The following ADAMTS2 variants were observed in gnomAD, a reference collection of about 807,000 sequenced individuals.
ADAMTS2 encodes A disintegrin and metalloproteinase with thrombospondin motifs 2.
ADAMTS2 carries 50 observed loss-of-function variants against 123.0 expected under a neutral mutation model. The ratio of observed to expected loss-of-function variants is 0.41; its 90% CI spans 0.32 to 0.51. The LOEUF is 0.51. Ranked by LOEUF, ADAMTS2 falls within the 20% of genes least tolerant of loss-of-function variation. The pLI is 0.35. For synonymous variants in ADAMTS2, 678 were observed against 695.4 expected (o/e 0.98, Z 0.39); for missense variants, 1,494 against 1,705.2 (o/e 0.88, Z 2.18).
chr5:179,169,228 C>T (rs1025766650), intron 5 of ADAMTS2, among the ~76,000 whole-genome samples: 1 of 152,202 alleles, frequency 6.6e-6, no homozygotes, highest in Admixed American at 6.5e-5. Flanking sequence ...CCTGAGGGAG[C>T]CTGTTCACCC....
chr5:179,337,197 T>C (rs1165671643), intron 2 of ADAMTS2, among the ~76,000 whole-genome samples: 2 of 152,012 alleles, frequency 1.3e-5, no homozygotes, highest in Admixed American at 6.6e-5. Flanking sequence ...CAGTAGGGGA[T>C]GGGGGTGTCT....
chr5:179,250,587 T>C (rs1230277431), intron 3 of ADAMTS2, among the ~76,000 whole-genome samples: 2 of 152,212 alleles, frequency 1.3e-5, no homozygotes, highest in Non-Finnish European at 2.9e-5. Flanking sequence ...GATCTACTCC[T>C]TACCTCTGTT....
Position 179,154,810 on chromosome 5 carries a change from T to A in ADAMTS2, c.1238+4A>T, listed in dbSNP as rs764427408. 1 of 1,607,014 alleles carries A rather than the reference T, an allele frequency of 6.2e-7. No homozygotes were observed. ...TGTGCCCCACCCTTCCCCAGGCCAC[T>A]TACACGTGGCCAGTCTCATGGGCCA... On this transcript the variant is annotated splice_donor_region_variant and intron_variant, in intron 7 of 21. Coordinates refer to ENST00000251582, the MANE Select transcript of ADAMTS2 (RefSeq NM_014244.5).
chr5:179,246,204 A>G (rs971098680), intron 3 of ADAMTS2, among the ~76,000 whole-genome samples: 11 of 152,122 alleles, frequency 7.2e-5, no homozygotes, highest in African/African-American at 2.4e-4. Context: ...ACCAACCTAC[A>G]CATCCAAGGA....
chr5:179,133,813 G>C (rs1763006795), intron 13 of ADAMTS2, among the ~76,000 whole-genome samples: 2 of 151,444 alleles, frequency 1.3e-5, no homozygotes, highest in Non-Finnish European at 2.9e-5. Flanking sequence ...CCGCCTCCCA[G>C]GTTCAAGTGA....
intron 5 of ADAMTS2, among the ~76,000 whole-genome samples, chr5:179,164,311 C>T (rs1410095428): frequency 6.6e-6 from 1 of 152,178 alleles, no homozygotes; most frequent in African/African-American, 2.4e-5. Flanking sequence ...GCCCAGAGGC[C>T]AGGGCAAGGT....
chr5:179,139,848 G>A, intron 11 of ADAMTS2, 42 bp downstream of exon 11: 1 of 1,609,660 alleles, frequency 6.2e-7, no homozygotes, highest in South Asian at 1.1e-5. Flanking sequence ...TGGACCCTCA[G>A]CTGCCACTCA....
chr5:179,259,969 T>TC (rs1766173531), intron 3 of ADAMTS2, among the ~76,000 whole-genome samples: 1 of 152,102 alleles, frequency 6.6e-6, no homozygotes, highest in African/African-American at 2.4e-5. Flanking sequence ...AAACGCACAG[T>TC]CCCTTGTTCA....
intron 20 of ADAMTS2, 96 bp downstream of exon 20, chr5:179,122,548 C>A: frequency 1.3e-6 from 2 of 1,497,670 alleles, no homozygotes; most frequent in Non-Finnish European, 1.8e-6. Context: ...CAGCTACTCT[C>A]CGGGAAGAGC....
intron 3 of ADAMTS2, among the ~76,000 whole-genome samples, chr5:179,259,088 C>G (rs2113484107): frequency 6.6e-6 from 1 of 152,242 alleles, no homozygotes; most frequent in Admixed American, 6.5e-5. Context: ...ATGGCACAGC[C>G]CCTCCTCCAC....
chr5:179,132,384 G>A lies in ADAMTS2; in HGVS notation c.2210-74C>T. 3 of 1,434,274 alleles carry A rather than the reference G, an allele frequency of 2.1e-6. No individual in the cohort carries two copies. Among genetic ancestry groups the A allele is most frequent in the Non-Finnish European group, 2.9e-6 (3 of 1,026,326 alleles). 88.8% of individuals were successfully genotyped at this position (1,434,274 alleles called of 1,614,324 possible). A position where few individuals can be genotyped will look rare whatever the true frequency, so the allele number is the denominator to read the frequency against. On this transcript the variant is annotated intron_variant, in intron 14 of 21. Coordinates refer to ENST00000251582, the MANE Select transcript of ADAMTS2 (RefSeq NM_014244.5). This position sits in a 1 kb window ranked among gnomAD's most constrained non-coding sequence, Gnocchi z 6.1. ...CTCAAATTCGCACCATGCAAGGAGGGGCCTCGCTCTTGAAGGCAGCTCCTC... is the reference window on the plus strand; with the variant it reads ...CTCAAATTCGCACCATGCAAGGAGGAGCCTCGCTCTTGAAGGCAGCTCCTC...
chr5:179,343,815 G>A lies in ADAMTS2; in HGVS notation c.486C>T (p.Ala162=), dbSNP rs774428426. ...LGSCLYVGDV[A]GLAEASSVAL... ...CCACAGAGGAGGCTTCGGCTAGGCC[G>A]GCCACGTCTCCGACGTAGAGACAGC... is the stretch of plus-strand genomic sequence containing the variant. The change falls in exon 2 of 22, where the codon GCC becomes GCT. Residue 162 remains alanine (A), a synonymous_variant. Coordinates refer to ENST00000251582, the MANE Select transcript of ADAMTS2 (RefSeq NM_014244.5). 4.3e-6 allele frequency: 7 copies of A among 1,610,842 alleles called. No homozygotes were observed. The highest frequency in any genetic ancestry group is 1.3e-5 in the African/African-American group (1 of 75,028).
In ADAMTS2 at chr5:179,123,037, C is replaced by T. The variant is rs1486297248; in HGVS notation, c.2959-264G>A. ...CATATACAGACTGGCATAGGCCTGG[C>T]GCTGCTGGACTCTCAGTGACAGCCT... is the stretch of plus-strand genomic sequence containing the variant. On this transcript the variant is annotated intron_variant, in intron 19 of 21. Transcript: ENST00000251582. Among the ~76,000 whole-genome samples, 12 of 152,354 alleles carry T rather than the reference C, an allele frequency of 7.9e-5. No individual in the cohort carries two copies. In the South Asian group the frequency reaches 1.7e-3, roughly 21 times the overall value.
chr5:179,325,903 G>A (rs1480381218), intron 2 of ADAMTS2, among the ~76,000 whole-genome samples: 1 of 152,250 alleles, frequency 6.6e-6, no homozygotes, highest in Non-Finnish European at 1.5e-5. Flanking sequence ...TGGATGGGAG[G>A]ACAGGAGCGA....
intron 3 of ADAMTS2, among the ~76,000 whole-genome samples, chr5:179,254,160 CG>C (rs1174647516): frequency 2.6e-5 from 4 of 152,126 alleles, no homozygotes; most frequent in African/African-American, 4.8e-5. Context: ...CATACACACA[CG>C]CTGCTGCCTA....
rs571156359 is a variant in ADAMTS2 at position 179,237,336 on chromosome 5, G to T, written c.689-29621C>A. On this transcript the variant is annotated intron_variant, in intron 3 of 21. Coordinates refer to ENST00000251582, the MANE Select transcript of ADAMTS2 (RefSeq NM_014244.5). ...AGAGAGCTCTCTTGCCCCTTGCAAT[G>T]CATGAAGACAAAGTGCAAGAAGGTG... Among the ~76,000 whole-genome samples the T allele has an allele frequency of 2.0e-5, 3 of 152,324 alleles. No individual in the cohort carries two copies. In the South Asian group the frequency reaches 6.2e-4, roughly 32 times the overall value.
rs562396751 is a variant in ADAMTS2, at chr5:179,342,379, G to A, written c.534+1388C>T. On this transcript the variant is annotated intron_variant, in intron 2 of 21. Coordinates refer to ENST00000251582, the MANE Select transcript of ADAMTS2 (RefSeq NM_014244.5). ...CAGGATGTCCTCAGAGACAGTGGGC[G>A]ATGTCAAGGGCTCACCATTTTAACC... 3.9e-5 allele frequency among the ~76,000 whole-genome samples: 6 copies of A among 152,272 alleles called. 1 individual carries two copies. Among genetic ancestry groups the A allele is most frequent in the South Asian group, 2.1e-4 (1 of 4,822 alleles).
Position 179,113,762 on chromosome 5 carries a change from G to C in ADAMTS2, c.*105C>G, listed in dbSNP as rs1318747683. On this transcript the variant is annotated 3_prime_UTR_variant, in exon 22 of 22. Transcript: ENST00000251582. ...CCTCTTTGTTTTCTCAAAACCTTTT[G>C]GAATCAGGAATTTTGACTTCATCTC... The C allele has an allele frequency of 8.4e-7, 1 of 1,194,658 alleles. No individual in the cohort carries two copies. Among genetic ancestry groups the C allele is most frequent in the Non-Finnish European group, 1.2e-6 (1 of 809,568 alleles). 74.0% of individuals were successfully genotyped at this position (1,194,658 alleles called of 1,614,324 possible). A position where few individuals can be genotyped will look rare whatever the true frequency, so the allele number is the denominator to read the frequency against.
intron 3 of ADAMTS2, among the ~76,000 whole-genome samples, chr5:179,235,737 T>C (rs1050422575): frequency 2.0e-5 from 3 of 152,202 alleles, no homozygotes; most frequent in Admixed American, 6.5e-5. Context: ...CCAGTGCTGA[T>C]GGTTGCCAAT....
Sources: gnomAD v4.1 joint callset for allele counts (sites outside exome capture counted in the v4.1 genomes callset) on GRCh38, gnomAD v4.1.1 for gene constraint, Gnocchi (gnomAD v3.1) non-coding constraint, MANE v1.5 for transcripts, NCBI Gene and HGNC (gene_info 2026-07-23, HGNC 2026-07-21) for gene names.